The following AGBL1 variants were observed in gnomAD, a reference collection of about 807,000 sequenced individuals.
AGBL1 encodes the protein cytosolic carboxypeptidase 4.
A neutral mutation model predicts 118.9 loss-of-function variants in AGBL1; 130 were observed. The ratio of observed to expected loss-of-function variants is 1.09; its 90% CI spans 0.95 to 1.26. The LOEUF is 1.26. Among genes scored for constraint, AGBL1 ranks in the 50% most tolerant of loss-of-function variants. The probability of loss-of-function intolerance (pLI) is 0.00; values close to 1 mark genes in which losing one functional copy is unlikely to be tolerated. For synonymous variants in AGBL1, 555 were observed against 478.9 expected (o/e 1.16, Z -2.08); for missense variants, 1,584 against 1,298.1 (o/e 1.22, Z -3.38).
At chr15:86,085,384 A>G (rs1443486752) in intron 1 of AGBL1, among the ~76,000 whole-genome samples, 1 of 152,140 alleles carries the variant, frequency 6.6e-6, no homozygotes, top group Non-Finnish European at 1.5e-5. Context: ...TGGAGATGGA[A>G]GTTTGGCCAA....
At chr15:86,725,481 TA>T (rs1057453863) in intron 22 of AGBL1, among the ~76,000 whole-genome samples, 3 of 152,182 alleles carry the variant, frequency 2.0e-5, no homozygotes, top group Non-Finnish European at 2.9e-5. Context: ...GAGAACACAT[TA>T]GGGGTACCAG....
intron 18 of AGBL1, among the ~76,000 whole-genome samples, chr15:86,518,349 A>T (rs543074459): frequency 1.3e-5 from 2 of 152,126 alleles, no homozygotes; most frequent in East Asian, 3.9e-4. Context: ...TGTTAAAAGA[A>T]TTATTTTTCG....
chr15:86,728,271 G>T (rs1197837247), intron 22 of AGBL1, among the ~76,000 whole-genome samples: 1 of 152,214 alleles, frequency 6.6e-6, no homozygotes, highest in Non-Finnish European at 1.5e-5. Context: ...CTGCTGCAGG[G>T]TTCTTTCCAT....
intron 1 of AGBL1, among the ~76,000 whole-genome samples, chr15:86,095,881 A>C (rs986150506): frequency 2.0e-5 from 3 of 152,068 alleles, no homozygotes; most frequent in African/African-American, 7.2e-5. Flanking sequence ...ATGTGACCTT[A>C]GGCAAGCCAT....
chr15:86,450,602 T>G (rs978150982), intron 18 of AGBL1, among the ~76,000 whole-genome samples: 8 of 152,196 alleles, frequency 5.3e-5, no homozygotes, highest in Non-Finnish European at 8.8e-5. Context: ...ACCTAACTTT[T>G]TTGACTACTA....
At chr15:86,883,996 C>T (rs1340775731) in intron 22 of AGBL1, among the ~76,000 whole-genome samples, 5 of 152,144 alleles carry the variant, frequency 3.3e-5, no homozygotes, top group African/African-American at 4.8e-5. Context: ...ATACTATGCA[C>T]TAATTGTTTT....
At chr15:86,318,696 A>ATTTTTT (rs57988335) in intron 17 of AGBL1, among the ~76,000 whole-genome samples, 10 of 81,980 alleles carry the variant, frequency 1.2e-4, no homozygotes, top group Admixed American at 4.8e-4. Context: ...TTGATCATAG[A>ATTTTTT]TTTTTTTTTT....
chr15:87,022,921 C>G (rs2081680748), intron 24 of AGBL1, among the ~76,000 whole-genome samples: 1 of 151,982 alleles, frequency 6.6e-6, no homozygotes, highest in Admixed American at 6.6e-5. Context: ...AGAGAATTTA[C>G]CACTACCATG....
At chr15:86,723,614 C>G (rs1342827314) in intron 22 of AGBL1, among the ~76,000 whole-genome samples, 4 of 151,928 alleles carry the variant, frequency 2.6e-5, no homozygotes, top group Admixed American at 6.6e-5. Flanking sequence ...ATGTAACTAA[C>G]CTGCACGTTG....
At chr15:86,323,087 C>T (rs1174730164) in intron 17 of AGBL1, among the ~76,000 whole-genome samples, 1 of 152,002 alleles carries the variant, frequency 6.6e-6, no homozygotes, top group Non-Finnish European at 1.5e-5. Context: ...CTTCAATAGT[C>T]ACTTATTCCC....
chr15:86,081,756 G>A (rs1895300320), intron 1 of AGBL1, among the ~76,000 whole-genome samples: 1 of 152,140 alleles, frequency 6.6e-6, no homozygotes, highest in African/African-American at 2.4e-5. Context: ...ATATCTCATG[G>A]ACAGAATTTT....
chr15:86,684,744 GA>G (rs1173873906), intron 22 of AGBL1, among the ~76,000 whole-genome samples: 2 of 152,090 alleles, frequency 1.3e-5, no homozygotes, highest in African/African-American at 2.4e-5. Context: ...TTTACTCTCA[GA>G]TTTTTTGGCT....
intron 18 of AGBL1, among the ~76,000 whole-genome samples, chr15:86,433,266 C>CTTTTTTTTTT (rs59417397): frequency 0.019 from 1,456 of 74,800 alleles, 315 homozygotes; most frequent in East Asian, 0.035. Flanking sequence ...CCTCCTTCTT[C>CTTTTTTTTTT]TTTTTTTTTT....
intron 22 of AGBL1, among the ~76,000 whole-genome samples, chr15:86,865,554 C>T (rs116256386): frequency 0.011 from 1,697 of 152,242 alleles, 15 homozygotes; most frequent in African/African-American, 0.018. Context: ...ATAGTTTAAG[C>T]GGATGACAAG....
intron 23 of AGBL1, among the ~76,000 whole-genome samples, chr15:86,964,583 G>T: frequency 6.6e-6 from 1 of 151,632 alleles, no homozygotes; most frequent in South Asian, 2.1e-4. Flanking sequence ...TATTAATGTA[G>T]ACAGCTTAGT....
intron 22 of AGBL1, among the ~76,000 whole-genome samples, chr15:86,747,239 G>A (rs535707694): frequency 1.3e-5 from 2 of 151,974 alleles, no homozygotes; most frequent in Admixed American, 6.6e-5. Flanking sequence ...CTCAAATAAT[G>A]CTTATTAAGG....
chr15:86,564,644 G>A (rs530280245), intron 21 of AGBL1, among the ~76,000 whole-genome samples: 18 of 152,212 alleles, frequency 1.2e-4, no homozygotes, highest in Admixed American at 7.8e-4. Context: ...TCTTTGTGGC[G>A]TTCTCTGTAT....
downstream of AGBL1, among the ~76,000 whole-genome samples, chr15:87,030,593 T>G (rs1280098299): frequency 6.6e-6 from 1 of 151,982 alleles, no homozygotes; most frequent in Non-Finnish European, 1.5e-5. Flanking sequence ...GAGAAAATGA[T>G]GTCATTGCAA....
intron 24 of AGBL1, among the ~76,000 whole-genome samples, chr15:86,992,602 CCT>C (rs1354656597): frequency 6.6e-6 from 1 of 152,146 alleles, no homozygotes; most frequent in Non-Finnish European, 1.5e-5. Context: ...GGAAGTGTCA[CCT>C]CCCTCATCAG....
Sources: allele counts gnomAD v4.1 joint callset (sites outside exome capture counted in the v4.1 genomes callset), GRCh38; gene constraint gnomAD v4.1.1; transcripts MANE v1.5; gene names NCBI Gene and HGNC (gene_info 2026-07-23, HGNC 2026-07-21).